The following SUN1 variants were observed in gnomAD, a reference collection of about 807,000 sequenced individuals.
SUN1 encodes the protein Sad1 and UNC84 domain containing 1, also known as SUN domain-containing protein 1.
SUN1 carries 61 observed loss-of-function variants against 103.2 expected under a neutral mutation model. The observed-to-expected ratio is 0.59, with a 90% CI of 0.48 to 0.73. The LOEUF (loss-of-function observed/expected upper bound fraction) is 0.73, where lower values mean the gene tolerates loss of function less well. Among genes scored for constraint, SUN1 ranks in the 30% least tolerant of loss-of-function variants. SUN1 has a pLI of 0.00. For missense variants in SUN1, 1,052 were observed against 1,034.6 expected (o/e 1.02, Z -0.23); for synonymous variants, 490 against 425.7 (o/e 1.15, Z -1.86).
intron 5 of SUN1, among the ~76,000 whole-genome samples, chr7:847,811 C>T (rs1184916832): frequency 1.7e-5 from 2 of 115,694 alleles, no homozygotes; most frequent in Non-Finnish European, 3.7e-5. Context: ...GTCCAGTCTC[C>T]GGGGTCCCCT....
chr7:840,571 A>G (rs1056866541), intron 2 of SUN1, among the ~76,000 whole-genome samples: 5 of 151,470 alleles, frequency 3.3e-5, no homozygotes, highest in African/African-American at 9.7e-5. Context: ...GGGTGTTTTC[A>G]TCTGATGGCT....
At chr7:839,126 C>G in intron 2 of SUN1, 140 bp downstream of exon 2, 1 of 813,770 alleles carries the variant, frequency 1.2e-6, no homozygotes, top group South Asian at 3.0e-5. Context: ...GACACACAAA[C>G]CTGTCATATA....
intron 5 of SUN1, chr7:843,948 C>G (rs576750158): frequency 2.8e-6 from 3 of 1,057,062 alleles, no homozygotes; most frequent in Non-Finnish European, 1.2e-6. Flanking sequence ...TTCCCGTGGT[C>G]GCTAGCCCTG....
At chr7:841,507 A>G (rs1030801939) in intron 2 of SUN1, among the ~76,000 whole-genome samples, 1 of 151,866 alleles carries the variant, frequency 6.6e-6, no homozygotes, top group Admixed American at 6.6e-5. Context: ...CTCCCAAAGT[A>G]CTGGGATTCC....
intron 15 of SUN1, among the ~76,000 whole-genome samples, chr7:865,291 A>G (rs187688786): frequency 5.9e-5 from 9 of 151,930 alleles, no homozygotes; most frequent in African/African-American, 1.9e-4. Context: ...TATTTTTAGC[A>G]GAGATGGGGT....
rs775796501 is a variant in SUN1, at chr7:838,900, G to T, written c.180G>T (p.Thr60=). 4 of 1,610,882 alleles carry T rather than the reference G, an allele frequency of 2.5e-6. No homozygotes were observed. The South Asian group carries it at 3.3e-5, about 13-fold the overall frequency. ...RMSRRSLRLA[T]TACTLGDGEA... is the part of the protein sequence containing the mutation. ...CCCGCCGTAGTTTGCGCCTGGCCAC[G>T]ACAGCATGCACCCTGGGGGATGGTG... The change falls in exon 2 of 19, where the codon ACG becomes ACT. Residue 60 remains threonine (T), a synonymous_variant. Transcript: ENST00000401592.
At chr7:853,660 G>A (rs4605959) in intron 10 of SUN1, 42 bp downstream of exon 10, 37 of 1,582,784 alleles carry the variant, frequency 2.3e-5, no homozygotes, top group South Asian at 3.3e-5. Flanking sequence ...TGACACCAAC[G>A]CGCTTCTGGG....
At chr7:852,996 G>C in intron 9 of SUN1, 44 bp downstream of exon 9, 1 of 1,580,470 alleles carries the variant, frequency 6.3e-7, no homozygotes, top group East Asian at 2.2e-5. Flanking sequence ...GCACATGTGA[G>C]GTCTTCAGGG....
intron 1 of SUN1, among the ~76,000 whole-genome samples, chr7:820,796 A>T (rs74459036): frequency 3.8e-4 from 58 of 152,278 alleles, no homozygotes; most frequent in African/African-American, 1.3e-3. Context: ...ACCAATTGAG[A>T]TGATCACATG....
intron 1 of SUN1, chr7:817,353 G>A (rs1182697920): frequency 1.4e-6 from 2 of 1,476,146 alleles, no homozygotes; most frequent in East Asian, 2.5e-5. Context: ...CCTGCCTGGA[G>A]GCGCGCGCGT....
At chr7:835,699 C>T (rs930409596) in intron 1 of SUN1, among the ~76,000 whole-genome samples, 2 of 152,208 alleles carry the variant, frequency 1.3e-5, no homozygotes, top group Non-Finnish European at 2.9e-5. Flanking sequence ...TGCTGTCTGA[C>T]GTGTCTCCTC....
chr7:846,816 C>T (rs2128328774), intron 5 of SUN1, among the ~76,000 whole-genome samples: 1 of 152,154 alleles, frequency 6.6e-6, no homozygotes, highest in Admixed American at 6.5e-5. Flanking sequence ...GGCTTGAGAC[C>T]AGCCTGGGCA....
chr7:838,255 T>G (rs764969412), intron 1 of SUN1, among the ~76,000 whole-genome samples: 21 of 152,208 alleles, frequency 1.4e-4, no homozygotes, highest in Non-Finnish European at 2.4e-4. Flanking sequence ...AATAATTATA[T>G]GGAAGGTATT....
In SUN1 at chr7:852,695, C is replaced by A. The variant is rs369817757; in HGVS notation, c.910+28C>A. Reference sequence around the variant, plus strand: ...AAGTCAAATCTGGCTGAGTTGCCTCCGATGGCTAAGCGGTACACACATATG... The same window carrying A: ...AAGTCAAATCTGGCTGAGTTGCCTCAGATGGCTAAGCGGTACACACATATG... On this transcript the variant is annotated intron_variant, in intron 8 of 18. Transcript: ENST00000401592. 10 of 1,614,072 alleles carry A rather than the reference C, an allele frequency of 6.2e-6. No homozygotes were observed. In the East Asian group the frequency reaches 2.0e-4, roughly 32 times the overall value.
At chr7:819,948 T>A (rs4721479) in intron 1 of SUN1, among the ~76,000 whole-genome samples, 1 of 151,946 alleles carries the variant, frequency 6.6e-6, no homozygotes, top group South Asian at 2.1e-4. Context: ...CCTCATGATC[T>A]GCCCACCTCG....
intron 17 of SUN1, among the ~76,000 whole-genome samples, chr7:870,887 C>CTTTTTTTTT (rs59711259): frequency 9.9e-6 from 1 of 101,082 alleles, no homozygotes; most frequent in African/African-American, 4.3e-5. Context: ...TATTTTCTTT[C>CTTTTTTTTT]TTTTTTTTTT....
At chr7:863,229 C>T (rs992879772) in intron 15 of SUN1, among the ~76,000 whole-genome samples, 3 of 151,526 alleles carry the variant, frequency 2.0e-5, no homozygotes, top group Non-Finnish European at 3.0e-5. Context: ...GCCGCCCTCC[C>T]GAGCTCGCCC....
intron 16 of SUN1, among the ~76,000 whole-genome samples, chr7:866,511 C>G (rs1836726164): frequency 6.8e-6 from 1 of 147,130 alleles, no homozygotes; most frequent in Non-Finnish European, 1.5e-5. Flanking sequence ...CGGCCTTTGC[C>G]CCCCGTCTCC....
At position 856,374 on chromosome 7, in the gene SUN1, T is replaced by A; in HGVS notation, c.1367T>A (p.Leu456Gln). Residue 456 changes from leucine to glutamine, a missense_variant, in exon 12 of 19, where the codon CTA (leucine) becomes CAA (glutamine). Leu to Gln is a moderately radical substitution (Grantham distance 113, BLOSUM62 -2). This residue lies in a region of SUN1 where 846 missense variants were observed against 774.5 expected (regional missense o/e 1.09). Transcript: ENST00000401592. ...ACTTTTTAGGCCATCCAGAAGGAAC[T>A]AGAACAGACCAAGCAAAAAACAATC... is the stretch of plus-strand genomic sequence containing the variant. ...REKSEAIQKE[L>Q]EQTKQKTISA... 6.2e-7 allele frequency: 1 copy of A among 1,614,122 alleles called. No individual in the cohort carries two copies. The highest frequency in any genetic ancestry group is 8.5e-7 in the Non-Finnish European group (1 of 1,179,982).
Sources: allele counts gnomAD v4.1 joint callset (sites outside exome capture counted in the v4.1 genomes callset), GRCh38; gene constraint gnomAD v4.1.1; regional missense constraint gnomAD v4.1.1; transcripts MANE v1.5; gene names NCBI Gene and HGNC (gene_info 2026-07-23, HGNC 2026-07-21).